The following TENM2 variants were observed in gnomAD, a reference collection of about 807,000 sequenced individuals.
The protein encoded by TENM2 is teneurin-2.
Under a neutral mutation model 245.2 loss-of-function variants are expected in TENM2, and 52 were observed. That is an observed-to-expected ratio of 0.21 (90% CI 0.17 to 0.27). The LOEUF is 0.27. Among genes scored for constraint, TENM2 ranks in the 10% least tolerant of loss-of-function variants. The pLI, the probability that TENM2 is intolerant of heterozygous loss-of-function variation, is 1.00. For missense variants in TENM2, 3,046 were observed against 3,666.8 expected, an observed-to-expected ratio of 0.83 and a Z score of 4.37; for synonymous variants, 1,363 against 1,438.9, an observed-to-expected ratio of 0.95 and a Z score of 1.19.
At chr5:167,209,736 A>G in the TENM2 span, among the ~76,000 whole-genome samples, 1 of 152,140 alleles carries the variant, frequency 6.6e-6, no homozygotes, top group Non-Finnish European at 1.5e-5. Flanking sequence ...CAGAGTTTGA[A>G]ATCCCACATT....
chr5:168,254,903 G>A (rs975037344), intron 27 of TENM2, among the ~76,000 whole-genome samples: 2 of 151,926 alleles, frequency 1.3e-5, no homozygotes, highest in African/African-American at 4.8e-5. Context: ...AAAAATTAGC[G>A]GGGCATGGTG....
chr5:168,070,617 C>T (rs1286862042), intron 7 of TENM2, among the ~76,000 whole-genome samples: 2 of 65,650 alleles, frequency 3.0e-5, no homozygotes, highest in African/African-American at 1.0e-4. Flanking sequence ...TTCATCTCTA[C>T]CAAAAAAAAA....
intron 8 of TENM2, among the ~76,000 whole-genome samples, chr5:168,097,328 G>C (rs1793448987): frequency 6.6e-6 from 1 of 152,120 alleles, no homozygotes; most frequent in Non-Finnish European, 1.5e-5. Context: ...GGTGGTTGTG[G>C]GTACAGTGTT....
exon 25 of TENM2, chr5:168,227,991 T>C (rs1246401068): frequency 1.2e-6 from 2 of 1,613,798 alleles, no homozygotes; most frequent in Non-Finnish European, 1.7e-6. Context: ...GAGCCCCATG[T>C]CCTAGCGGGC....
intron 2 of TENM2, among the ~76,000 whole-genome samples, chr5:167,567,738 A>G (rs1478930484): frequency 6.6e-6 from 1 of 152,196 alleles, no homozygotes; most frequent in Non-Finnish European, 1.5e-5. Context: ...ATGGCCTTTC[A>G]TACAACCCCA....
At chr5:167,987,640 G>A (rs1783349312) in intron 4 of TENM2, among the ~76,000 whole-genome samples, 1 of 151,998 alleles carries the variant, frequency 6.6e-6, no homozygotes, top group African/African-American at 2.4e-5. Context: ...CTTCTTAATC[G>A]ATATACTCCC....
chr5:168,000,729 T>C (rs1784362087), intron 5 of TENM2, among the ~76,000 whole-genome samples: 1 of 152,214 alleles, frequency 6.6e-6, no homozygotes, highest in African/African-American at 2.4e-5. Context: ...ACAGGCACGA[T>C]AGATTGATGT....
chr5:167,031,420 C>T, the TENM2 span, among the ~76,000 whole-genome samples: 52 of 152,306 alleles, frequency 3.4e-4, 1 homozygote, highest in Admixed American at 1.8e-3. Context: ...TAAACGCAGT[C>T]ATCTGAGTGC....
At chr5:167,350,251 T>G (rs1758742914) in intron 1 of TENM2, among the ~76,000 whole-genome samples, 1 of 152,152 alleles carries the variant, frequency 6.6e-6, no homozygotes, top group African/African-American at 2.4e-5. Context: ...AAATGGCAGT[T>G]ATTGGCATCA....
chr5:167,983,866 C>T (rs1433615709), intron 4 of TENM2, among the ~76,000 whole-genome samples: 4 of 152,128 alleles, frequency 2.6e-5, no homozygotes, highest in East Asian at 1.9e-4. Flanking sequence ...CTAATTAGAA[C>T]GACTCATTCA....
chr5:167,928,895 C>CAA (rs767167658), intron 3 of TENM2, among the ~76,000 whole-genome samples: 33 of 21,504 alleles, frequency 1.5e-3, no homozygotes, highest in African/African-American at 3.8e-3. Flanking sequence ...GACCCTGGCT[C>CAA]AAAAAAAAAA....
rs187508403 is a variant in TENM2 at position 168,035,419 on chromosome 5, C to G, written c.1187-12008C>G. Among the ~76,000 whole-genome samples the G allele has an allele frequency of 5.3e-5, 8 of 151,664 alleles. No individual in the cohort carries two copies. In the East Asian group the frequency reaches 5.8e-4, roughly 11 times the overall value. The stretch of plus-strand genomic sequence containing the variant: ...GGCTGAGGCATGAGAATCCCTTGAA[C>G]CTGGGAGGCGCAGTTTGCAGTGAAC... On this transcript the variant is annotated intron_variant, in intron 5 of 28. Coordinates refer to ENST00000518659, the Ensembl canonical transcript of TENM2.
chr5:167,635,633 C>CTTTTTTTTT (rs76155764), intron 2 of TENM2, among the ~76,000 whole-genome samples: 825 of 74,932 alleles, frequency 0.011, 171 homozygotes, highest in African/African-American at 0.037. Context: ...TCAGTACAGT[C>CTTTTTTTTT]TTTTTTTTTT....
At chr5:167,551,461 T>C (rs930486327) in intron 2 of TENM2, among the ~76,000 whole-genome samples, 1 of 152,162 alleles carries the variant, frequency 6.6e-6, no homozygotes, top group African/African-American at 2.4e-5. Context: ...CTGTCAACAG[T>C]AAACCATAAA....
chr5:168,262,122 C>T (rs1376803553), exon 29 of TENM2: 1 of 1,613,894 alleles, frequency 6.2e-7, no homozygotes, highest in African/African-American at 1.3e-5. Context: ...CAGGTCATTA[C>T]TAAAAAGCTC....
chr5:167,945,987 C>T (rs917373440), intron 3 of TENM2, among the ~76,000 whole-genome samples: 8 of 152,124 alleles, frequency 5.3e-5, no homozygotes, highest in African/African-American at 7.2e-5. Context: ...CTGCAGCTTG[C>T]GACAGCAGTG....
chr5:167,269,887 G>T, the TENM2 span, among the ~76,000 whole-genome samples: 99 of 152,244 alleles, frequency 6.5e-4, 1 homozygote, highest in Non-Finnish European at 1.2e-3. Context: ...CACATCCATT[G>T]TTTAGGTATA....
At chr5:167,342,944 G>A (rs767551686) in intron 1 of TENM2, among the ~76,000 whole-genome samples, 5 of 151,512 alleles carry the variant, frequency 3.3e-5, no homozygotes, top group Non-Finnish European at 2.9e-5. Flanking sequence ...TGGAGGCAGA[G>A]TATTTACATA....
chr5:167,959,922 C>G (rs1262406670), intron 4 of TENM2, among the ~76,000 whole-genome samples: 1 of 152,058 alleles, frequency 6.6e-6, no homozygotes, highest in Non-Finnish European at 1.5e-5. Flanking sequence ...GATGCTATTC[C>G]TTTCTGTTTG....
Sources: gnomAD v4.1 joint callset for allele counts (sites outside exome capture counted in the v4.1 genomes callset) on GRCh38, gnomAD v4.1.1 for gene constraint, MANE v1.5 for transcripts, NCBI Gene and HGNC (gene_info 2026-07-23, HGNC 2026-07-21) for gene names.